The following SNX24 variants were observed in gnomAD, a reference collection of about 807,000 sequenced individuals.
The protein encoded by SNX24 is sorting nexin 24, also known as sorting nexin-24.
A neutral mutation model predicts 28.7 loss-of-function variants in SNX24; 22 were observed. The ratio of observed to expected loss-of-function variants is 0.77; its 90% CI spans 0.55 to 1.10. SNX24 has a LOEUF of 1.10. Among genes scored for constraint, SNX24 ranks in the 50% least tolerant of loss-of-function variants. SNX24 has a pLI of 0.00. For missense variants in SNX24, 221 were observed against 201.1 expected (o/e 1.10, Z -0.60); for synonymous variants, 69 against 71.5 (o/e 0.96, Z 0.18).
At chr5:123,011,645 A>G (rs1762581045), downstream of SNX24, among the ~76,000 whole-genome samples, 1 of 152,232 alleles carries the variant, frequency 6.6e-6, no homozygotes, top group Non-Finnish European at 1.5e-5. Flanking sequence ...ACCTGTGAGG[A>G]TGGCTACTAT....
intron 1 of SNX24, among the ~76,000 whole-genome samples, chr5:122,930,743 C>T (rs246315): frequency 0.77 from 117,079 of 152,160 alleles, 45,921 homozygotes; most frequent in East Asian, 0.99. Context: ...ATCTTCCTGA[C>T]GTTCTTTTTG....
chr5:122,890,756 C>G (rs1212208234), intron 1 of SNX24, among the ~76,000 whole-genome samples: 1 of 152,142 alleles, frequency 6.6e-6, no homozygotes, highest in Admixed American at 6.5e-5. Context: ...CAAGTATGAG[C>G]CACCGCACCC....
downstream of SNX24, among the ~76,000 whole-genome samples, chr5:123,011,244 G>A (rs1457521856): frequency 6.6e-6 from 1 of 152,198 alleles, no homozygotes; most frequent in Non-Finnish European, 1.5e-5. Context: ...AAGTCAGGAT[G>A]TGGGGACATC....
At chr5:123,007,594 T>C (rs1762459197) in intron 6 of SNX24, 88 bp from the exon 7 acceptor site, 8 of 1,208,174 alleles carry the variant, frequency 6.6e-6, no homozygotes, top group Non-Finnish European at 9.3e-6. Flanking sequence ...CATTGCCTTG[T>C]TCCATTCTAC....
chr5:122,909,302 T>C (rs1163203137), intron 1 of SNX24, among the ~76,000 whole-genome samples: 1 of 152,222 alleles, frequency 6.6e-6, no homozygotes, highest in Admixed American at 6.5e-5. Context: ...TACCTATTGC[T>C]TAATCTGTGC....
chr5:122,994,159 C>T (rs1174941174), intron 3 of SNX24, among the ~76,000 whole-genome samples: 3 of 152,118 alleles, frequency 2.0e-5, no homozygotes, highest in African/African-American at 7.2e-5. Flanking sequence ...GTGGTCTTGT[C>T]CAAGTTTTCA....
chr5:122,904,761 TA>T (rs962128183), intron 1 of SNX24, among the ~76,000 whole-genome samples: 11 of 152,216 alleles, frequency 7.2e-5, no homozygotes, highest in African/African-American at 2.7e-4. Flanking sequence ...CTAAGAAAGC[TA>T]AACGTTTCAC....
chr5:122,973,097 A>T (rs1200822937), intron 3 of SNX24, among the ~76,000 whole-genome samples: 3 of 152,198 alleles, frequency 2.0e-5, no homozygotes, highest in African/African-American at 7.2e-5. Flanking sequence ...TGCTGAGGTC[A>T]TCCTTTGGTG....
chr5:122,963,045 C>T (rs1316381476), intron 3 of SNX24, among the ~76,000 whole-genome samples: 2 of 152,096 alleles, frequency 1.3e-5, no homozygotes, highest in Non-Finnish European at 2.9e-5. Flanking sequence ...ATCAGCCTGG[C>T]CAACATAGTG....
intron 3 of SNX24, among the ~76,000 whole-genome samples, chr5:122,950,340 G>T (rs1450311084): frequency 6.6e-6 from 1 of 152,108 alleles, no homozygotes; most frequent in Admixed American, 6.5e-5. Context: ...GTATAGTTTT[G>T]CTTAATGATA....
Position 123,007,922 on chromosome 5 carries a change from A to G in SNX24, c.*173A>G. 1 of 1,413,432 alleles carries G rather than the reference A, an allele frequency of 7.1e-7. No individual in the cohort carries two copies. Among genetic ancestry groups the G allele is most frequent in the East Asian group, 2.8e-5 (1 of 36,356 alleles). The allele number at this position is 1,413,432 out of a possible 1,614,324, so 87.6% of individuals were successfully genotyped here. On this transcript the variant is annotated 3_prime_UTR_variant, in exon 7 of 7. Transcript: ENST00000261369. ...ACATTTCCATTAGAATGGTGCTCTTAAAAATAGAAACTGAACCGGGGCGGT... is the reference window on the plus strand; with the variant it reads ...ACATTTCCATTAGAATGGTGCTCTTGAAAATAGAAACTGAACCGGGGCGGT...
At chr5:122,958,361 C>T (rs935618861) in intron 3 of SNX24, among the ~76,000 whole-genome samples, 9 of 152,222 alleles carry the variant, frequency 5.9e-5, no homozygotes, top group Admixed American at 1.3e-4. Flanking sequence ...TCAAGCGATT[C>T]TCCTGCCTCA....
At chr5:122,975,473 T>A (rs1325343115) in intron 3 of SNX24, among the ~76,000 whole-genome samples, 1 of 152,178 alleles carries the variant, frequency 6.6e-6, no homozygotes, top group African/African-American at 2.4e-5. Context: ...TTCTCTACAT[T>A]GATAGGGATA....
chr5:122,998,280 A>T (rs773514386), intron 3 of SNX24: 1 of 152,120 alleles, frequency 6.6e-6, no homozygotes, highest in African/African-American at 2.4e-5. Flanking sequence ...GCATTGGTAG[A>T]TGGGAAAACG....
intron 1 of SNX24, among the ~76,000 whole-genome samples, chr5:122,931,426 G>C (rs1015005413): frequency 2.0e-5 from 3 of 152,064 alleles, no homozygotes; most frequent in Admixed American, 1.3e-4. Context: ...ATACCCTGCT[G>C]AGCACCTGAC....
chr5:122,950,681 C>G (rs1193349715), intron 3 of SNX24, among the ~76,000 whole-genome samples: 1 of 152,192 alleles, frequency 6.6e-6, no homozygotes, highest in Non-Finnish European at 1.5e-5. Flanking sequence ...TGCATGCCCA[C>G]TTCTGAACCT....
chr5:122,972,950 G>A (rs937999243), intron 3 of SNX24, among the ~76,000 whole-genome samples: 5 of 152,182 alleles, frequency 3.3e-5, no homozygotes, highest in Non-Finnish European at 7.3e-5. Context: ...CTGAGCCCAT[G>A]CATAACCTCC....
intron 3 of SNX24, among the ~76,000 whole-genome samples, chr5:122,987,658 T>C (rs915510722): frequency 6.6e-6 from 1 of 152,236 alleles, no homozygotes; most frequent in South Asian, 2.1e-4. Flanking sequence ...TGATGGTAGA[T>C]CACAGCTCCT....
chr5:122,981,686 TTTG>T (rs1761399676), intron 3 of SNX24, among the ~76,000 whole-genome samples: 1 of 152,238 alleles, frequency 6.6e-6, no homozygotes, highest in Non-Finnish European at 1.5e-5. Flanking sequence ...TGTTTGTTTG[TTTG>T]TTTTTTGAGA....
Sources: gnomAD v4.1 joint callset for allele counts (sites outside exome capture counted in the v4.1 genomes callset) on GRCh38, gnomAD v4.1.1 for gene constraint, MANE v1.5 for transcripts, NCBI Gene and HGNC (gene_info 2026-07-23, HGNC 2026-07-21) for gene names.